Variants in TRIM36 observed in about 807,000 individuals in gnomAD.
TRIM36 encodes tripartite motif containing 36.
In TRIM36, 42 loss-of-function variants were observed where a neutral mutation model predicts 72.4. The ratio of observed to expected loss-of-function variants is 0.58; its 90% CI spans 0.45 to 0.75. The LOEUF (loss-of-function observed/expected upper bound fraction) is 0.75, where lower values mean the gene tolerates loss of function less well. Ranked by LOEUF, TRIM36 falls within the 30% of genes least tolerant of loss-of-function variation. The pLI, the probability that TRIM36 is intolerant of heterozygous loss-of-function variation, is 0.00. For missense variants in TRIM36, 913 were observed against 857.1 expected (o/e 1.07, Z -0.81); for synonymous variants, 315 against 282.8 (o/e 1.11, Z -1.14).
At position 115,137,617 on chromosome 5, in the gene TRIM36, C is replaced by A; in HGVS notation, c.832-1G>T. 1.3e-6 allele frequency: 2 copies of A among 1,583,486 alleles called. No homozygotes were observed. Among genetic ancestry groups the A allele is most frequent in the Admixed American group, 1.9e-5 (1 of 54,030 alleles). On this transcript the variant is annotated splice_acceptor_variant, in intron 5 of 9. Coordinates refer to ENST00000513154, the MANE Select transcript of TRIM36 (RefSeq NM_001300759.2). LOFTEE classifies it high-confidence loss of function. ...CTTCTTTAGCCCTCTCTCCATTACA[C>A]TAAGAAAAAACAGTATCTCCATTAC...
At chr5:115,152,104 A>C (rs951538548) in intron 2 of TRIM36, among the ~76,000 whole-genome samples, 1 of 152,224 alleles carries the variant, frequency 6.6e-6, no homozygotes, top group Admixed American at 6.5e-5. Flanking sequence ...AGACCGATGT[A>C]AGGCAATCCA....
intron 2 of TRIM36, among the ~76,000 whole-genome samples, chr5:115,155,105 C>G (rs1008987407): frequency 1.3e-5 from 2 of 152,180 alleles, no homozygotes; most frequent in Non-Finnish European, 2.9e-5. Flanking sequence ...AGAAGAATCG[C>G]CTGAACCTGG....
intron 3 of TRIM36, 84 bp downstream of exon 3, chr5:115,146,985 A>T: frequency 7.8e-7 from 1 of 1,281,094 alleles, no homozygotes; most frequent in Non-Finnish European, 1.1e-6. Context: ...TAGACTTAAT[A>T]ATTTATTTCG....
chr5:115,162,954 CAT>C (rs1754560814), intron 2 of TRIM36, among the ~76,000 whole-genome samples: 1 of 150,204 alleles, frequency 6.7e-6, no homozygotes, highest in Non-Finnish European at 1.5e-5. Context: ...TAAAGACAAA[CAT>C]AGCTTTTTTT....
In TRIM36 at chr5:115,130,905, A is replaced by C. The variant is rs775757297; in HGVS notation, c.1499-16T>G. ...AAGCTGAAAACTAAATGGAGCTTAA[A>C]ATTAATATCAGGCTAAAAATTATCA... On this transcript the variant is annotated splice_polypyrimidine_tract_variant and intron_variant, in intron 8 of 9. Transcript: ENST00000513154. 15 of 1,593,028 alleles carry C rather than the reference A, an allele frequency of 9.4e-6. No homozygotes were observed. In the Admixed American group the frequency reaches 2.4e-4, roughly 26 times the overall value.
chr5:115,177,875 A>AGTGAAGAGAGAG, intron 1 of TRIM36: 1 of 1,613,946 alleles, frequency 6.2e-7, no homozygotes, highest in Non-Finnish European at 8.5e-7. Context: ...GCTGAAGCCT[A>AGTGAAGAGAGAG]GTGAAGAGAG....
intron 7 of TRIM36, 23 bp downstream of exon 7, chr5:115,136,976 GT>G: frequency 6.5e-7 from 1 of 1,545,934 alleles, no homozygotes; most frequent in Non-Finnish European, 8.7e-7. Flanking sequence ...AAAGAATGAG[GT>G]TTTTGCCTTC....
Position 115,133,777 on chromosome 5 carries a change from A to T in TRIM36, c.1498+83T>A, listed in dbSNP as rs1184308617. On this transcript the variant is annotated intron_variant, in intron 8 of 9. Coordinates refer to ENST00000513154, the MANE Select transcript of TRIM36 (RefSeq NM_001300759.2). ...CAAGAGCTGGTTTCAGTGCAGGTCTACATGGAGATACTGACTAGTTTATTT... is the reference window on the plus strand; with the variant it reads ...CAAGAGCTGGTTTCAGTGCAGGTCTTCATGGAGATACTGACTAGTTTATTT... 17 of 1,386,634 alleles carry T rather than the reference A, an allele frequency of 1.2e-5. No homozygotes were observed. In the South Asian group the frequency reaches 1.7e-4, roughly 14 times the overall value. The allele number at this position is 1,386,634 out of a possible 1,614,324, so 85.9% of individuals were successfully genotyped here.
intron 7 of TRIM36, among the ~76,000 whole-genome samples, chr5:115,135,758 G>A (rs1438897128): frequency 1.3e-5 from 2 of 152,114 alleles, no homozygotes; most frequent in Non-Finnish European, 2.9e-5. Context: ...AATACAATCA[G>A]CATTTTAAGT....
At chr5:115,144,765 G>C (rs1354114196) in intron 3 of TRIM36, 21 bp from the exon 4 acceptor site, 2 of 1,597,782 alleles carry the variant, frequency 1.3e-6, no homozygotes, top group East Asian at 2.3e-5. Flanking sequence ...AAGAATAAAA[G>C]TGTGATTAAG....
At chr5:115,170,990 G>T, upstream of TRIM36, 1 of 1,463,040 alleles carries the variant, frequency 6.8e-7, no homozygotes. Flanking sequence ...ATTAGATCAC[G>T]CACTGCCTTT....
intron 7 of TRIM36, among the ~76,000 whole-genome samples, chr5:115,136,298 A>ACG (rs1752961872): frequency 1.5e-4 from 1 of 6,700 alleles, no homozygotes; most frequent in African/African-American, 2.9e-4. Flanking sequence ...GATCTCTCTC[A>ACG]CACACACACA....
chr5:115,134,105 T>C lies in TRIM36; in HGVS notation c.1253A>G (p.Tyr418Cys), dbSNP rs1279145734. Residue 418 changes from tyrosine (Y) to cysteine (C), a missense_variant, in exon 8 of 10, where the codon TAT (tyrosine) becomes TGT (cysteine). Physicochemically the swap from Tyr to Cys is radical, Grantham distance 194 (BLOSUM62 -2). Transcript: ENST00000513154. ...GTGCCAATTTATCAAGGCATTGTTA[T>C]AAACTTTGCTCTGTTCCTCATTGAT... is the stretch of plus-strand genomic sequence containing the variant. ...PEINEEQSKV[Y>C]NNALINWHHP... 2 of 1,612,322 alleles carry C rather than the reference T, an allele frequency of 1.2e-6. No individual in the cohort carries two copies. The highest frequency in any genetic ancestry group is 2.2e-5 in the East Asian group (1 of 44,784).
rs554140746 is a variant in TRIM36, at chr5:115,163,013, A to G, written c.262+505T>C. Among the ~76,000 whole-genome samples, 4 of 150,944 alleles carry G rather than the reference A, an allele frequency of 2.6e-5. No homozygotes were observed. In the South Asian group the frequency reaches 8.4e-4, roughly 32 times the overall value. ...ACTCTTGTTGCCCAGGCTGGAGTGCAATGGCGCGATCTCGGCTCACTGCAA... is the reference window on the plus strand; with the variant it reads ...ACTCTTGTTGCCCAGGCTGGAGTGCGATGGCGCGATCTCGGCTCACTGCAA... On this transcript the variant is annotated intron_variant, in intron 2 of 9. Transcript: ENST00000513154.
chr5:115,147,989 TAAC>T (rs750691725), intron 2 of TRIM36, among the ~76,000 whole-genome samples: 51 of 152,358 alleles, frequency 3.3e-4, no homozygotes, highest in South Asian at 1.0e-3. Flanking sequence ...ACAAAATTTT[TAAC>T]AACACTACAA....
At chr5:115,159,579 T>A in intron 2 of TRIM36, 1 of 432,420 alleles carries the variant, frequency 2.3e-6, no homozygotes, top group Non-Finnish European at 4.6e-6. Context: ...TACACAAGAT[T>A]ATTTAATTTA....
At chr5:115,180,091 C>G in exon 1 of TRIM36, 1 of 1,548,562 alleles carries the variant, frequency 6.5e-7, no homozygotes, top group Non-Finnish European at 8.9e-7. Context: ...TCGAATTTGT[C>G]CTTTCTTTTC....
intron 1 of TRIM36, among the ~76,000 whole-genome samples, chr5:115,164,746 A>C (rs751574527): frequency 1.3e-5 from 2 of 152,086 alleles, no homozygotes; most frequent in Admixed American, 6.5e-5. Flanking sequence ...TTCAAAACCA[A>C]TCATGCTTCC....
chr5:115,176,736 A>C (rs1241329803), intron 1 of TRIM36, among the ~76,000 whole-genome samples: 1 of 152,236 alleles, frequency 6.6e-6, no homozygotes, highest in Non-Finnish European at 1.5e-5. Flanking sequence ...AAACAGTTGG[A>C]AAATACTGCT....
Sources: gnomAD v4.1 joint callset for allele counts (sites outside exome capture counted in the v4.1 genomes callset) on GRCh38, gnomAD v4.1.1 for gene constraint, MANE v1.5 for transcripts, NCBI Gene and HGNC (gene_info 2026-07-23, HGNC 2026-07-21) for gene names.